Variants in SORCS3 observed in about 807,000 individuals in gnomAD.
The protein encoded by SORCS3 is sortilin related VPS10 domain containing receptor 3, also known as VPS10 domain-containing receptor SorCS3.
SORCS3 carries 57 observed loss-of-function variants against 146.3 expected under a neutral mutation model. The observed-to-expected ratio is 0.39, with a 90% confidence interval of 0.31 to 0.49. SORCS3 has a LOEUF of 0.49. Among genes scored for constraint, SORCS3 ranks in the 20% least tolerant of loss-of-function variants. The pLI is 0.92. For missense variants in SORCS3, 1,341 were observed against 1,575.5 expected (o/e 0.85, Z 2.52); for synonymous variants, 653 against 618.5 (o/e 1.06, Z -0.83).
chr10:105,078,284 A>G lies in SORCS3; in HGVS notation c.1029-11491A>G, dbSNP rs186426294. 3.3e-5 allele frequency among the ~76,000 whole-genome samples: 5 copies of G among 152,324 alleles called. No individual in the cohort carries two copies. In the East Asian group the frequency reaches 9.7e-4, roughly 29 times the overall value. On this transcript the variant is annotated intron_variant, in intron 5 of 26. Coordinates refer to ENST00000369701, the MANE Select transcript of SORCS3 (RefSeq NM_014978.3). ...TTATTCAGCTACTTAACAGATATTT[A>G]AGAAATGCACAGGGAGGCACGGTGC...
chr10:104,784,346 C>T (rs2017408160), intron 1 of SORCS3, among the ~76,000 whole-genome samples: 1 of 152,140 alleles, frequency 6.6e-6, no homozygotes, highest in Admixed American at 6.5e-5. Context: ...CTGCAATACC[C>T]AGGACAGTCA....
chr10:104,693,419 A>G (rs942161967), intron 1 of SORCS3, among the ~76,000 whole-genome samples: 2 of 152,212 alleles, frequency 1.3e-5, no homozygotes, highest in Non-Finnish European at 2.9e-5. Flanking sequence ...GTCTTTAAAG[A>G]CAGAAAAGCA....
chr10:105,084,729 T>G (rs7916173), intron 5 of SORCS3, among the ~76,000 whole-genome samples: 10,458 of 142,394 alleles, frequency 0.073, 415 homozygotes, highest in African/African-American at 0.12. Flanking sequence ...CAGTGCTGCT[T>G]CTTCTTTTTT....
At chr10:105,057,208 G>A (rs1362314800) in intron 5 of SORCS3, among the ~76,000 whole-genome samples, 2 of 152,122 alleles carry the variant, frequency 1.3e-5, no homozygotes, top group East Asian at 3.9e-4. Context: ...TAGTGATCAA[G>A]TTCTTACACC....
At chr10:105,211,395 T>G (rs2056632915) in intron 17 of SORCS3, 145 bp downstream of exon 17, 1 of 638,106 alleles carries the variant, frequency 1.6e-6, no homozygotes, top group African/African-American at 1.8e-5. Flanking sequence ...AGTGAGGAGT[T>G]CTTTAGCTGA....
At chr10:105,210,225 C>T (rs926712484) in intron 16 of SORCS3, among the ~76,000 whole-genome samples, 1 of 152,122 alleles carries the variant, frequency 6.6e-6, no homozygotes, top group Admixed American at 6.5e-5. Flanking sequence ...GAGAAAGCAA[C>T]TTCTTTTCTG....
At chr10:104,817,904 A>G (rs1564690703) in intron 1 of SORCS3, among the ~76,000 whole-genome samples, 1 of 151,706 alleles carries the variant, frequency 6.6e-6, no homozygotes, top group South Asian at 2.1e-4. Context: ...TGGCCCTGAG[A>G]TTATCCCTTT....
chr10:105,153,495 G>A (rs1017173536), intron 9 of SORCS3, among the ~76,000 whole-genome samples: 5 of 152,154 alleles, frequency 3.3e-5, no homozygotes, highest in Non-Finnish European at 1.5e-5. Flanking sequence ...GTAAGTATAT[G>A]TTTATAAGAA....
At chr10:104,968,549 G>A (rs1369018879) in intron 3 of SORCS3, among the ~76,000 whole-genome samples, 2 of 152,114 alleles carry the variant, frequency 1.3e-5, no homozygotes, top group African/African-American at 2.4e-5. Context: ...TCCAGCACAC[G>A]TATACCCACT....
At chr10:105,221,634 C>T (rs2056703000) in intron 19 of SORCS3, among the ~76,000 whole-genome samples, 1 of 152,074 alleles carries the variant, frequency 6.6e-6, no homozygotes, top group African/African-American at 2.4e-5. Flanking sequence ...TGTTTTCTTC[C>T]CTTTGAACTG....
chr10:105,206,500 G>A (rs1258223680), intron 16 of SORCS3, among the ~76,000 whole-genome samples: 1 of 152,184 alleles, frequency 6.6e-6, no homozygotes, highest in Non-Finnish European at 1.5e-5. Flanking sequence ...ATCATGGAAG[G>A]CTTCCTGCAG....
chr10:104,691,931 A>G (rs2016118156), intron 1 of SORCS3, among the ~76,000 whole-genome samples: 1 of 151,974 alleles, frequency 6.6e-6, no homozygotes, highest in African/African-American at 2.4e-5. Context: ...TTGAGGTGAG[A>G]TCTTGCTATG....
At chr10:104,695,734 T>C (rs1036260713) in intron 1 of SORCS3, among the ~76,000 whole-genome samples, 12 of 151,698 alleles carry the variant, frequency 7.9e-5, no homozygotes, top group Non-Finnish European at 1.3e-4. Flanking sequence ...TGCTTTTTTT[T>C]CCACTCACTG....
intron 1 of SORCS3, among the ~76,000 whole-genome samples, chr10:104,738,204 C>T (rs188627300): frequency 4.9e-4 from 75 of 152,228 alleles, no homozygotes; most frequent in Admixed American, 1.2e-3. Flanking sequence ...CTGATGTGAC[C>T]GGCTTTGTTC....
At chr10:105,017,878 A>G (rs2055176953) in intron 4 of SORCS3, among the ~76,000 whole-genome samples, 1 of 152,314 alleles carries the variant, frequency 6.6e-6, no homozygotes, top group Non-Finnish European at 1.5e-5. Context: ...GCCAAAGCAC[A>G]ATGGACCAGC....
At chr10:105,157,395 C>T (rs990365080) in intron 10 of SORCS3, 111 bp downstream of exon 10, 1 of 1,304,092 alleles carries the variant, frequency 7.7e-7, no homozygotes, top group African/African-American at 1.5e-5. Flanking sequence ...TGGTGCAGAG[C>T]AGTAATTTTC....
intron 3 of SORCS3, among the ~76,000 whole-genome samples, chr10:104,923,444 A>G (rs2019108012): frequency 6.6e-6 from 1 of 152,192 alleles, no homozygotes; most frequent in Non-Finnish European, 1.5e-5. Flanking sequence ...TCCTTGGTCA[A>G]AAGGTGGGTC....
chr10:104,712,846 A>T (rs1475452236), intron 1 of SORCS3, among the ~76,000 whole-genome samples: 1 of 152,216 alleles, frequency 6.6e-6, no homozygotes, highest in Non-Finnish European at 1.5e-5. Flanking sequence ...TGTGATGGGG[A>T]TATAGCAATT....
intron 26 of SORCS3, 26 bp downstream of exon 26, chr10:105,262,517 C>T (rs139127178): frequency 3.1e-6 from 5 of 1,605,554 alleles, no homozygotes; most frequent in Non-Finnish European, 4.3e-6. Context: ...CCACTAAGCT[C>T]CCCTGTTCTG....
Sources: gnomAD v4.1 joint callset for allele counts (sites outside exome capture counted in the v4.1 genomes callset) on GRCh38, gnomAD v4.1.1 for gene constraint, MANE v1.5 for transcripts, NCBI Gene and HGNC (gene_info 2026-07-23, HGNC 2026-07-21) for gene names.